The following SBF2 variants were observed in gnomAD, a reference collection of about 807,000 sequenced individuals.
SBF2 encodes SET binding factor 2.
A neutral mutation model predicts 225.2 loss-of-function variants in SBF2; 112 were observed. That is an observed-to-expected ratio of 0.50 (90% CI 0.43 to 0.58). SBF2 has a LOEUF of 0.58. SBF2 is among the 20% of genes least tolerant of loss of function. The probability of loss-of-function intolerance (pLI) is 0.00; values close to 1 mark genes in which losing one functional copy is unlikely to be tolerated. For synonymous variants in SBF2, 763 were observed against 773.3 expected, an observed-to-expected ratio of 0.99 and a Z score of 0.22; for missense variants, 1,996 against 2,206.2, an observed-to-expected ratio of 0.90 and a Z score of 1.91.
chr11:9,872,086 T>C (rs1412175022), intron 17 of SBF2, among the ~76,000 whole-genome samples: 1 of 152,150 alleles, frequency 6.6e-6, no homozygotes, highest in Non-Finnish European at 1.5e-5. Context: ...TCATCAACGA[T>C]AGACTGAATA....
chr11:10,176,338 A>T (rs1956461702), intron 2 of SBF2, among the ~76,000 whole-genome samples: 1 of 151,800 alleles, frequency 6.6e-6, no homozygotes, highest in Non-Finnish European at 1.5e-5. Flanking sequence ...AATAACTAAG[A>T]TCAGAGCAGA....
intron 2 of SBF2, among the ~76,000 whole-genome samples, chr11:10,193,093 C>T (rs924398493): frequency 6.6e-6 from 1 of 152,012 alleles, no homozygotes; most frequent in African/African-American, 2.4e-5. Flanking sequence ...ACCTTCAGAC[C>T]TTGTAGCTAA....
chr11:9,876,543 C>T (rs1178379883), intron 17 of SBF2, among the ~76,000 whole-genome samples: 6 of 152,198 alleles, frequency 3.9e-5, no homozygotes, highest in African/African-American at 1.4e-4. Context: ...TCTCTCCCCA[C>T]TGCCCCACGT....
At chr11:9,873,331 T>C (rs1422328380) in intron 17 of SBF2, among the ~76,000 whole-genome samples, 1 of 152,068 alleles carries the variant, frequency 6.6e-6, no homozygotes, top group Non-Finnish European at 1.5e-5. Context: ...ATGGTGGTTA[T>C]AGTCATTCAC....
intron 1 of SBF2, among the ~76,000 whole-genome samples, chr11:10,227,316 T>G (rs949122081): frequency 2.0e-5 from 3 of 152,228 alleles, no homozygotes; most frequent in Admixed American, 6.5e-5. Context: ...GCAGAAGCTC[T>G]TTAGTTTAAT....
chr11:10,030,509 A>G (rs1397634462), intron 4 of SBF2, among the ~76,000 whole-genome samples: 3 of 152,202 alleles, frequency 2.0e-5, no homozygotes, highest in Non-Finnish European at 4.4e-5. Flanking sequence ...TTTCTAGAAA[A>G]GTTTTACAGA....
intron 1 of SBF2, among the ~76,000 whole-genome samples, chr11:10,286,486 C>T (rs1490674671): frequency 2.0e-5 from 3 of 151,596 alleles, no homozygotes; most frequent in Non-Finnish European, 4.4e-5. Context: ...CAGCCTCCCA[C>T]GTAGCTGGGA....
chr11:9,904,512 T>G (rs1861970629), intron 16 of SBF2, among the ~76,000 whole-genome samples: 1 of 152,154 alleles, frequency 6.6e-6, no homozygotes, highest in Non-Finnish European at 1.5e-5. Context: ...GCTAAAATAT[T>G]TTAATATACC....
At chr11:10,184,465 T>C (rs1451552862) in intron 2 of SBF2, among the ~76,000 whole-genome samples, 1 of 152,198 alleles carries the variant, frequency 6.6e-6, no homozygotes, top group Admixed American at 6.5e-5. Flanking sequence ...TACAGTAAAA[T>C]ATATATAACA....
At chr11:9,939,784 G>T (rs11042559) in intron 16 of SBF2, among the ~76,000 whole-genome samples, 29,991 of 152,044 alleles carry the variant, frequency 0.2, 3,818 homozygotes, top group Non-Finnish European at 0.29. Flanking sequence ...ATACAAGGAT[G>T]TTTGTTGAAA....
At position 10,110,277 on chromosome 11, in the gene SBF2, A is replaced by G. The variant is rs1952774699; in HGVS notation, c.142-67296T>C. The stretch of plus-strand genomic sequence containing the variant: ...ACTAAATTAACCAAACTACATATCG[A>G]GTAGTTTTCATATTATCAATGCACA... On this transcript the variant is annotated intron_variant, in intron 2 of 39. Coordinates refer to ENST00000256190, the MANE Select transcript of SBF2 (RefSeq NM_030962.4). Among the ~76,000 whole-genome samples the G allele has an allele frequency of 2.0e-5, 3 of 152,314 alleles. No homozygotes were observed. In the South Asian group the frequency reaches 6.2e-4, roughly 32 times the overall value.
At position 9,847,062 on chromosome 11, in the gene SBF2, C is replaced by T. The variant is rs753298285; in HGVS notation, c.2828G>A (p.Arg943Gln). Reference protein sequence around the residue: ...DQLVGEQTVVRSFPIASITKE... With the variant: ...DQLVGEQTVVQSFPIASITKE... ...GGTGATGGAGGCAATGGGAAAGCTCCGCACAACTGTCTGCTCACCCACTGT... is the reference window on the plus strand; with the variant it reads ...GGTGATGGAGGCAATGGGAAAGCTCTGCACAACTGTCTGCTCACCCACTGT... Residue 943 changes from arginine to glutamine, a missense_variant, in exon 23 of 40, where the codon CGG becomes CAG. Transcript: ENST00000256190. 60 of 1,613,740 alleles carry T rather than the reference C, an allele frequency of 3.7e-5. No individual in the cohort carries two copies. The highest frequency in any genetic ancestry group is 4.9e-5 in the Non-Finnish European group (58 of 1,179,720).
chr11:10,120,958 G>T (rs1007758505), intron 2 of SBF2, among the ~76,000 whole-genome samples: 1 of 152,022 alleles, frequency 6.6e-6, no homozygotes, highest in African/African-American at 2.4e-5. Flanking sequence ...TAGAGACGAG[G>T]TTCCACCACG....
At chr11:9,970,328 T>G (rs1242940982) in intron 13 of SBF2, among the ~76,000 whole-genome samples, 1 of 151,964 alleles carries the variant, frequency 6.6e-6, no homozygotes, top group African/African-American at 2.4e-5. Flanking sequence ...TGCCTCAGTC[T>G]CCCGAGGAGC....
In SBF2 at chr11:9,942,901, G is replaced by GAAAGAA. The variant is rs1554962757; in HGVS notation, c.1860+19055_1860+19056insTTCTTT. Among the ~76,000 whole-genome samples, 458 of 101,364 alleles carry GAAAGAA rather than the reference G, an allele frequency of 4.5e-3. 3 individuals are homozygous for GAAAGAA. The highest frequency in any genetic ancestry group is 6.6e-3 in the Non-Finnish European group (302 of 45,822). 66.5% of individuals were successfully genotyped at this position (101,364 alleles called of 152,430 possible). ...AAAGAAAAGAAAAGAAAGAGAGAGA[G>GAAAGAA]AGAAAGAAAGAAAGAAAGAAAGAAA... is the stretch of plus-strand genomic sequence containing the variant. On this transcript the variant is annotated intron_variant, in intron 16 of 39. Coordinates refer to ENST00000256190, the MANE Select transcript of SBF2 (RefSeq NM_030962.4).
intron 28 of SBF2, 46 bp downstream of exon 28, chr11:9,829,310 C>G (rs761171413): frequency 6.3e-7 from 1 of 1,596,502 alleles, no homozygotes; most frequent in East Asian, 2.2e-5. Flanking sequence ...ACAGAACTGA[C>G]CTTTCATTAG....
chr11:9,845,507 C>G (rs1217533336), intron 24 of SBF2, 58 bp downstream of exon 24: 17 of 1,449,750 alleles, frequency 1.2e-5, no homozygotes, highest in African/African-American at 4.2e-5. Context: ...GGATAGGTTA[C>G]TCCTTTTGCA....
chr11:10,294,882 G>T (rs928308560), upstream of SBF2, among the ~76,000 whole-genome samples: 31 of 152,362 alleles, frequency 2.0e-4, no homozygotes, highest in Admixed American at 1.8e-3. Context: ...GCACGCCTCG[G>T]CTTGCTTCCC....
chr11:10,270,392 G>C (rs1049148355), intron 1 of SBF2, among the ~76,000 whole-genome samples: 1 of 152,096 alleles, frequency 6.6e-6, no homozygotes, highest in African/African-American at 2.4e-5. Context: ...CTAGAGAAAA[G>C]AAAATGTTAT....
Sources: allele counts gnomAD v4.1 joint callset (sites outside exome capture counted in the v4.1 genomes callset), GRCh38; gene constraint gnomAD v4.1.1; transcripts MANE v1.5; gene names NCBI Gene and HGNC (gene_info 2026-07-23, HGNC 2026-07-21).